LPP: variants seen among roughly 807,000 people sequenced by gnomAD.
LPP encodes the protein lipoma-preferred partner.
A neutral mutation model predicts 60.4 loss-of-function variants in LPP; 38 were observed. The observed-to-expected ratio is 0.63, with a 90% CI of 0.49 to 0.83. The LOEUF is 0.83. LPP is among the 40% of genes least tolerant of loss of function. LPP has a pLI of 0.00. For missense variants in LPP, 902 were observed against 783.6 expected (o/e 1.15, Z -1.80); for synonymous variants, 328 against 290.8 (o/e 1.13, Z -1.30).
At chr3:188,663,791 T>C (rs1855136778) in intron 7 of LPP, among the ~76,000 whole-genome samples, 1 of 152,168 alleles carries the variant, frequency 6.6e-6, no homozygotes, top group Non-Finnish European at 1.5e-5. Flanking sequence ...AGTATGAAAC[T>C]CTTCCACCTC....
chr3:188,819,060 G>A (rs1159360359), intron 9 of LPP, among the ~76,000 whole-genome samples: 2 of 151,316 alleles, frequency 1.3e-5, no homozygotes, highest in South Asian at 2.2e-4. Context: ...GTGTGTGTGT[G>A]TGTGTGTGTG....
At chr3:188,351,185 G>A (rs1002346379) in intron 3 of LPP, among the ~76,000 whole-genome samples, 4 of 152,192 alleles carry the variant, frequency 2.6e-5, no homozygotes, top group Non-Finnish European at 5.9e-5. Context: ...ATAGTGCTCA[G>A]TAGAGAAGCA....
intron 6 of LPP, among the ~76,000 whole-genome samples, chr3:188,527,742 G>C (rs972175679): frequency 6.9e-6 from 1 of 144,726 alleles, no homozygotes; most frequent in African/African-American, 2.5e-5. Flanking sequence ...ATGCTTTTTT[G>C]TGCTCCCTTT....
intron 2 of LPP, among the ~76,000 whole-genome samples, chr3:188,308,553 C>T (rs764697870): frequency 1.3e-5 from 2 of 152,142 alleles, no homozygotes; most frequent in Admixed American, 1.3e-4. Context: ...GGCCCAGGCA[C>T]CGAACAATCG....
At chr3:188,263,740 C>T (rs1734479897) in intron 2 of LPP, among the ~76,000 whole-genome samples, 1 of 152,212 alleles carries the variant, frequency 6.6e-6, no homozygotes, top group South Asian at 2.1e-4. Context: ...TAATAAGTAC[C>T]TTTCTAACCC....
At chr3:188,724,568 GT>G (rs1263836998) in intron 8 of LPP, among the ~76,000 whole-genome samples, 1 of 152,208 alleles carries the variant, frequency 6.6e-6, no homozygotes, top group Non-Finnish European at 1.5e-5. Context: ...GTAGTGCCCA[GT>G]TGGGCTGCTT....
chr3:188,630,349 C>G (rs1847639017), intron 7 of LPP, among the ~76,000 whole-genome samples: 2 of 152,102 alleles, frequency 1.3e-5, no homozygotes, highest in South Asian at 4.1e-4. Flanking sequence ...AATTAACCAA[C>G]AAGCATATGA....
chr3:188,375,910 G>C (rs1005048016), intron 3 of LPP, among the ~76,000 whole-genome samples: 2 of 152,038 alleles, frequency 1.3e-5, no homozygotes, highest in Admixed American at 6.5e-5. Context: ...TTGTGTCTTT[G>C]TTCTCGTTGG....
intron 1 of LPP, among the ~76,000 whole-genome samples, chr3:188,155,959 G>A (rs1716243407): frequency 6.6e-6 from 1 of 152,094 alleles, no homozygotes; most frequent in Non-Finnish European, 1.5e-5. Flanking sequence ...AGGTTGCAGT[G>A]AGTTGAGATC....
chr3:188,358,810 T>C (rs930777330), intron 3 of LPP, among the ~76,000 whole-genome samples: 2 of 152,078 alleles, frequency 1.3e-5, no homozygotes, highest in African/African-American at 4.8e-5. Context: ...CTGGGCAAAA[T>C]GTTGCTTTTG....
rs889060557 is a variant in LPP at position 188,388,785 on chromosome 3, T to C, written c.-9-17327T>C. The stretch of plus-strand genomic sequence containing the variant: ...TGTAGTAACTGAAAGCAGTAACTTT[T>C]AAGTTTACACCTGAGGTCCTCAAAC... On this transcript the variant is annotated intron_variant, in intron 3 of 11. Coordinates refer to ENST00000617246, the MANE Select transcript of LPP (RefSeq NM_001375462.1). 3.3e-5 allele frequency among the ~76,000 whole-genome samples: 5 copies of C among 152,244 alleles called. No homozygotes were observed. The South Asian group carries it at 1.0e-3, about 31-fold the overall frequency.
chr3:188,629,628 G>A (rs1285789547), intron 7 of LPP, among the ~76,000 whole-genome samples: 1 of 151,856 alleles, frequency 6.6e-6, no homozygotes, highest in Non-Finnish European at 1.5e-5. Context: ...AATCAATATT[G>A]TTAAAATTTG....
chr3:188,519,252 T>A (rs7630960), intron 5 of LPP, among the ~76,000 whole-genome samples: 117,525 of 152,080 alleles, frequency 0.77, 45,826 homozygotes, highest in East Asian at 0.97. Context: ...AAACTGACCC[T>A]TGAGCTTCCT....
At chr3:188,171,960 C>T (rs1007309) in intron 1 of LPP, among the ~76,000 whole-genome samples, 6,863 of 152,264 alleles carry the variant, frequency 0.045, 178 homozygotes, top group Middle Eastern at 0.099. Flanking sequence ...ATGATGTGGG[C>T]TGGTGGTGCA....
chr3:188,827,327 A>C lies in LPP; in HGVS notation c.1411-38873A>C, dbSNP rs959683992. Reference sequence around the variant, plus strand: ...TAATAGTGAGACACACATATTAGACACATGATTGTGAGAAGACAGTTTTCC... The same window carrying C: ...TAATAGTGAGACACACATATTAGACCCATGATTGTGAGAAGACAGTTTTCC... On this transcript the variant is annotated intron_variant, in intron 9 of 11. Transcript: ENST00000617246. 5.9e-5 allele frequency among the ~76,000 whole-genome samples: 9 copies of C among 152,346 alleles called. No individual in the cohort carries two copies. In the East Asian group the frequency reaches 1.2e-3, roughly 20 times the overall value.
chr3:188,439,837 A>G (rs1035366008), intron 4 of LPP, among the ~76,000 whole-genome samples: 6 of 152,196 alleles, frequency 3.9e-5, no homozygotes, highest in African/African-American at 1.4e-4. Context: ...AAACAAGTTC[A>G]GAGAATACAT....
chr3:188,415,798 T>C (rs116392971), intron 4 of LPP, among the ~76,000 whole-genome samples: 3,941 of 152,034 alleles, frequency 0.026, 82 homozygotes, highest in Non-Finnish European at 0.04. Flanking sequence ...GTACTGGTCA[T>C]TCCTACAAAG....
chr3:188,229,994 G>C (rs1477123182), intron 2 of LPP, among the ~76,000 whole-genome samples: 1 of 152,106 alleles, frequency 6.6e-6, no homozygotes, highest in Non-Finnish European at 1.5e-5. Context: ...TGATCTTTAG[G>C]AAACTATGTG....
intron 7 of LPP, among the ~76,000 whole-genome samples, chr3:188,687,314 A>T (rs895933237): frequency 6.6e-6 from 1 of 152,128 alleles, no homozygotes; most frequent in Non-Finnish European, 1.5e-5. Context: ...CTAATTTGGG[A>T]GTGTCCCCCA....
Sources: gnomAD v4.1 joint callset for allele counts (sites outside exome capture counted in the v4.1 genomes callset) on GRCh38, gnomAD v4.1.1 for gene constraint, MANE v1.5 for transcripts, NCBI Gene and HGNC (gene_info 2026-07-23, HGNC 2026-07-21) for gene names.